The following COL13A1 variants were observed in gnomAD, a reference collection of about 807,000 sequenced individuals.
COL13A1 encodes the protein collagen type XIII alpha 1 chain, also known as collagen alpha-1(XIII) chain.
COL13A1 carries 89 observed loss-of-function variants against 130.9 expected under a neutral mutation model. The ratio of observed to expected loss-of-function variants is 0.68; its 90% CI spans 0.57 to 0.81. COL13A1 has a LOEUF of 0.81. COL13A1 is among the 30% of genes least tolerant of loss of function. The probability of loss-of-function intolerance (pLI) is 0.00; values close to 1 mark genes in which losing one functional copy is unlikely to be tolerated. For synonymous variants in COL13A1, 402 were observed against 341.6 expected (o/e 1.18, Z -1.95); for missense variants, 879 against 934.6 (o/e 0.94, Z 0.78).
At chr10:69,811,028 A>G (rs1842907389) in intron 1 of COL13A1, among the ~76,000 whole-genome samples, 1 of 152,190 alleles carries the variant, frequency 6.6e-6, no homozygotes, top group African/African-American at 2.4e-5. Flanking sequence ...CCTGGCGGCT[A>G]TTGTAGGTTT....
At chr10:69,845,017 T>C (rs1175123781) in intron 2 of COL13A1, among the ~76,000 whole-genome samples, 1 of 152,162 alleles carries the variant, frequency 6.6e-6, no homozygotes, top group Non-Finnish European at 1.5e-5. Context: ...AACCATACTA[T>C]GTTAAGGTCC....
At chr10:69,914,971 T>C (rs2063769558) in intron 17 of COL13A1, among the ~76,000 whole-genome samples, 3 of 152,204 alleles carry the variant, frequency 2.0e-5, no homozygotes, top group Admixed American at 2.0e-4. Context: ...AAAGAGGGGC[T>C]CTGCTCCGCT....
chr10:69,846,908 C>T (rs947636596), intron 2 of COL13A1, among the ~76,000 whole-genome samples: 20 of 152,318 alleles, frequency 1.3e-4, no homozygotes, highest in Middle Eastern at 3.4e-3. Context: ...GCTTAGAACC[C>T]GCTGATTCAA....
chr10:69,871,395 A>G (rs72805154), intron 3 of COL13A1, among the ~76,000 whole-genome samples: 32,474 of 152,036 alleles, frequency 0.21, 3,641 homozygotes, highest in Middle Eastern at 0.29. Context: ...AGGAGCTCAC[A>G]TTTTAGTGCT....
At chr10:69,821,791 G>A (rs777761922) in intron 1 of COL13A1, among the ~76,000 whole-genome samples, 1 of 152,186 alleles carries the variant, frequency 6.6e-6, no homozygotes, top group African/African-American at 2.4e-5. Flanking sequence ...ACAACTCCTC[G>A]AGGGTCGGGG....
intron 14 of COL13A1, among the ~76,000 whole-genome samples, chr10:69,899,887 A>G (rs746005824): frequency 7.2e-5 from 11 of 152,126 alleles, no homozygotes; most frequent in Non-Finnish European, 4.4e-5. Flanking sequence ...TCAAGCAACA[A>G]TCTGGCCTGA....
intron 7 of COL13A1, among the ~76,000 whole-genome samples, chr10:69,881,964 A>C (rs1240477071): frequency 6.6e-6 from 1 of 152,216 alleles, no homozygotes; most frequent in Non-Finnish European, 1.5e-5. Flanking sequence ...TTCCTGCTGC[A>C]GTCATAGACG....
intron 2 of COL13A1, among the ~76,000 whole-genome samples, chr10:69,826,078 C>T (rs1847415693): frequency 6.6e-6 from 1 of 152,214 alleles, no homozygotes; most frequent in African/African-American, 2.4e-5. Flanking sequence ...TACCATGAGA[C>T]TTCCTAGGCC....
chr10:69,946,828 G>A (rs983524693), intron 37 of COL13A1, among the ~76,000 whole-genome samples: 7 of 151,862 alleles, frequency 4.6e-5, no homozygotes, highest in Non-Finnish European at 8.8e-5. Context: ...TCACTCTGTC[G>A]CCAGGCTGGA....
intron 1 of COL13A1, among the ~76,000 whole-genome samples, chr10:69,805,667 G>A (rs1841365351): frequency 6.6e-6 from 1 of 152,186 alleles, no homozygotes; most frequent in African/African-American, 2.4e-5. Flanking sequence ...AGTTCTATTG[G>A]CCAGCGCTGT....
intron 31 of COL13A1, 149 bp downstream of exon 31, chr10:69,932,753 G>A (rs2066292367): frequency 3.2e-6 from 2 of 616,110 alleles, no homozygotes; most frequent in Non-Finnish European, 3.0e-6. Flanking sequence ...CCTCTGGACT[G>A]CTCCAGTCTT....
At chr10:69,918,962 C>T (rs2064271978) in intron 19 of COL13A1, 100 bp from the exon 20 acceptor site, 1 of 1,416,058 alleles carries the variant, frequency 7.1e-7, no homozygotes. Flanking sequence ...TTCACTAACC[C>T]CACCCTGACT....
chr10:69,851,337 C>T (rs570514678), intron 2 of COL13A1, among the ~76,000 whole-genome samples: 96 of 152,352 alleles, frequency 6.3e-4, no homozygotes, highest in African/African-American at 2.1e-3. Flanking sequence ...AGTCTGGACA[C>T]CCCAAAGGTT....
chr10:69,958,906 T>C lies in COL13A1; in HGVS notation c.*205T>C. The stretch of plus-strand genomic sequence containing the variant: ...GTTTTGTATAAGCCTATGTCTCTAA[T>C]ACATTTTTTGTTTGGTCGTAATGTC... On this transcript the variant is annotated 3_prime_UTR_variant, in exon 41 of 41. Transcript: ENST00000645393. 1 of 634,856 alleles carries C rather than the reference T, an allele frequency of 1.6e-6. No individual in the cohort carries two copies. The highest frequency in any genetic ancestry group is 2.6e-6 in the Non-Finnish European group (1 of 388,348). 39.3% of individuals were successfully genotyped at this position (634,856 alleles called of 1,614,324 possible).
intron 31 of COL13A1, among the ~76,000 whole-genome samples, chr10:69,934,354 G>T (rs532613420): frequency 1.3e-5 from 2 of 152,270 alleles, no homozygotes; most frequent in African/African-American, 4.8e-5. Context: ...CTTTTTTTAA[G>T]AAGGCAGAGT....
intron 2 of COL13A1, chr10:69,823,990 G>A: frequency 2.3e-6 from 1 of 427,780 alleles, no homozygotes; most frequent in East Asian, 7.1e-5. Flanking sequence ...TAACTCTTGG[G>A]CAATGACAAC....
Position 69,958,762 on chromosome 10 carries a change from A to G in COL13A1, c.*61A>G. On this transcript the variant is annotated 3_prime_UTR_variant, in exon 41 of 41. Coordinates refer to ENST00000645393, the MANE Select transcript of COL13A1 (RefSeq NM_001368882.1). ...GTACATAGAATATTTATTTTTATACAGTTTTCACTTTTTGAAAATGCCAGA... is the reference window on the plus strand; with the variant it reads ...GTACATAGAATATTTATTTTTATACGGTTTTCACTTTTTGAAAATGCCAGA... 1 of 1,605,762 alleles carries G rather than the reference A, an allele frequency of 6.2e-7. No homozygotes were observed. The highest frequency in any genetic ancestry group is 8.5e-7 in the Non-Finnish European group (1 of 1,177,406).
chr10:69,822,423 T>G lies in COL13A1; in HGVS notation c.349T>G (p.Cys117Gly). The change falls in exon 2 of 41, where the codon TGT becomes GGT. Residue 117 changes from cysteine to glycine, a missense_variant. Transcript: ENST00000645393. Reference protein sequence around the residue: ...RREAPKTSPGCNCPPGPPGPT... With the variant: ...RREAPKTSPGGNCPPGPPGPT... ...GGAGGCCCCAAAGACATCTCCAGGA[T>G]GTAACTGCCCACCAGGTAAGCAGCC... The G allele has an allele frequency of 6.3e-7, 1 of 1,593,536 alleles. No homozygotes were observed. Among genetic ancestry groups the G allele is most frequent in the Non-Finnish European group, 8.5e-7 (1 of 1,170,264 alleles).
intron 1 of COL13A1, among the ~76,000 whole-genome samples, chr10:69,818,875 C>T (rs1239672362): frequency 6.6e-6 from 1 of 152,250 alleles, no homozygotes; most frequent in African/African-American, 2.4e-5. Flanking sequence ...TGCTAATCGA[C>T]ATACCTAGAA....
Sources: gnomAD v4.1 joint callset for allele counts (sites outside exome capture counted in the v4.1 genomes callset) on GRCh38, gnomAD v4.1.1 for gene constraint, MANE v1.5 for transcripts, NCBI Gene and HGNC (gene_info 2026-07-23, HGNC 2026-07-21) for gene names.